GRM6: variants seen among roughly 807,000 people sequenced by gnomAD.
GRM6 encodes the protein glutamate metabotropic receptor 6, also known as metabotropic glutamate receptor 6.
GRM6 carries 73 observed loss-of-function variants against 78.4 expected under a neutral mutation model. The ratio of observed to expected loss-of-function variants is 0.93; its 90% CI spans 0.77 to 1.13. The LOEUF (loss-of-function observed/expected upper bound fraction) is 1.13, where lower values mean the gene tolerates loss of function less well. Among genes scored for constraint, GRM6 ranks in the 50% most tolerant of loss-of-function variants. The pLI is 0.00. For missense variants in GRM6, 1,251 were observed against 1,256.4 expected, an observed-to-expected ratio of 1.00 and a Z score of 0.07; for synonymous variants, 580 against 555.0, an observed-to-expected ratio of 1.05 and a Z score of -0.63.
chr5:178,991,464 C>T lies in GRM6; in HGVS notation c.817G>A (p.Ala273Thr), dbSNP rs375701024. 1.3e-5 allele frequency: 21 copies of T among 1,613,876 alleles called. No homozygotes were observed. The African/African-American group carries it at 1.3e-4, about 10-fold the overall frequency. The change falls in exon 4 of 11, where the codon GCC becomes ACC. Residue 273 changes from alanine (A) to threonine (T), a missense_variant. Coordinates refer to ENST00000517717, the MANE Select transcript of GRM6 (RefSeq NM_000843.4). This position sits in a 1 kb window ranked among gnomAD's most constrained non-coding sequence, Gnocchi z 5.0. ...TTGGCAAAGATGATGATGCCCCGGG[C>T]GTTGGGCGTCTCCATGAGTCTCCTG... Reference protein sequence around the residue: ...VIRRLMETPNARGIIIFANED... With the variant: ...VIRRLMETPNTRGIIIFANED...
At position 178,992,961 on chromosome 5, in the gene GRM6, G is replaced by A. The variant is rs1039249450; in HGVS notation, c.505-878C>T. 6.6e-6 allele frequency among the ~76,000 whole-genome samples: 1 copy of A among 152,028 alleles called. No individual in the cohort carries two copies. ...CTGAGGAGACCGAGAGACGAGAAAG[G>A]CCCAGTGGCCACAGCTCAGTGAATA... On this transcript the variant is annotated intron_variant, in intron 2 of 10. Transcript: ENST00000517717. This position sits in a 1 kb window ranked among gnomAD's most constrained non-coding sequence, Gnocchi z 4.9.
rs1341875907 is a variant in GRM6 at position 178,992,906 on chromosome 5, GGAGA to G, written c.505-827_505-824del. On this transcript the variant is annotated intron_variant, in intron 2 of 10. Transcript: ENST00000517717. This position sits in a 1 kb window ranked among gnomAD's most constrained non-coding sequence, Gnocchi z 4.9. Reference sequence around the variant, plus strand: ...AGGTGGGGCTGGAGAGAAACAAGAAGGAGAGAGGGAGAGAGAGAGAGAGAAACAA... The same window carrying G: ...AGGTGGGGCTGGAGAGAAACAAGAAGGAGGGAGAGAGAGAGAGAGAAACAA... Among the ~76,000 whole-genome samples the G allele has an allele frequency of 4.0e-5, 6 of 151,816 alleles. No individual in the cohort carries two copies. Among genetic ancestry groups the G allele is most frequent in the Non-Finnish European group, 8.8e-5 (6 of 67,970 alleles).
chr5:178,992,627 A>G lies in GRM6; in HGVS notation c.505-544T>C, dbSNP rs540650909. On this transcript the variant is annotated intron_variant, in intron 2 of 10. Transcript: ENST00000517717. The surrounding 1 kb of genome is among the most constrained non-coding windows in gnomAD (Gnocchi z 4.9). ...TTCTCTGCATGCATTAGAGTGATTA[A>G]CAGCAGAGACCAGAGGCTGAACTGA... Among the ~76,000 whole-genome samples, 167 of 152,242 alleles carry G rather than the reference A, an allele frequency of 1.1e-3. 1 individual carries two copies. The highest frequency in any genetic ancestry group is 3.4e-3 in the Middle Eastern group (1 of 294).
chr5:178,985,630 A>G (rs138093440), intron 9 of GRM6: 35,921 of 371,198 alleles, frequency 0.097, 2,086 homozygotes, highest in South Asian at 0.17. Context: ...GTGAACCCGG[A>G]AGGCAGAGCT....
Position 178,982,995 on chromosome 5 carries a change from G to C in GRM6, c.2351C>G (p.Pro784Arg). 6.2e-7 allele frequency: 1 copy of C among 1,614,162 alleles called. No homozygotes were observed. Among genetic ancestry groups the C allele is most frequent in the Non-Finnish European group, 8.5e-7 (1 of 1,179,988 alleles). ...GVPETFNEAK[P>R]IGFTMYTTCI... ...GGTGGTGTACATGGTGAAGCCGATG[G>C]GCTTGGCCTCGTTGAAGGTCTCGGG... Residue 784 changes from proline to arginine, a missense_variant, in exon 10 of 11, where the codon CCC becomes CGC. Coordinates refer to ENST00000517717, the MANE Select transcript of GRM6 (RefSeq NM_000843.4).
chr5:178,991,615 T>G lies in GRM6; in HGVS notation c.722-56A>C, dbSNP rs535457740. 1.7e-4 allele frequency: 192 copies of G among 1,131,540 alleles called. 1 individual carries two copies. In the African/African-American group the frequency reaches 2.6e-3, roughly 15 times the overall value. 70.1% of individuals were successfully genotyped at this position (1,131,540 alleles called of 1,614,324 possible). A position where few individuals can be genotyped will look rare whatever the true frequency, so the allele number is the denominator to read the frequency against. On this transcript the variant is annotated intron_variant, in intron 3 of 10. Transcript: ENST00000517717. The surrounding 1 kb of genome is among the most constrained non-coding windows in gnomAD (Gnocchi z 5.0). Reference sequence around the variant, plus strand: ...CGTCCCACCCACCCACACACCCACCTGGCCACCGCTGCAGAGGACTGTGTA... The same window carrying G: ...CGTCCCACCCACCCACACACCCACCGGGCCACCGCTGCAGAGGACTGTGTA...
At chr5:178,982,551 T>C (rs1561714972) in intron 10 of GRM6, among the ~76,000 whole-genome samples, 1 of 108,034 alleles carries the variant, frequency 9.3e-6, no homozygotes, top group African/African-American at 3.7e-5. Context: ...CACTCCAGCC[T>C]GGGCAACAGA....
Position 178,981,880 on chromosome 5 carries a change from T to C in GRM6, c.2437-26A>G. ...CTAGGCCATGGAAGAGGGGACCAGA[T>C]GGGACTCAGCCCTGCTCTCCCTGCC... On this transcript the variant is annotated intron_variant, in intron 10 of 10. Coordinates refer to ENST00000517717, the MANE Select transcript of GRM6 (RefSeq NM_000843.4). The surrounding 1 kb of genome is among the most constrained non-coding windows in gnomAD (Gnocchi z 5.1). 2 of 1,445,472 alleles carry C rather than the reference T, an allele frequency of 1.4e-6. No individual in the cohort carries two copies. Among genetic ancestry groups the C allele is most frequent in the Non-Finnish European group, 1.9e-6 (2 of 1,026,738 alleles). The allele number at this position is 1,445,472 out of a possible 1,614,324, so 89.5% of individuals were successfully genotyped here. A position where few individuals can be genotyped will look rare whatever the true frequency, so the allele number is the denominator to read the frequency against.
intron 9 of GRM6, chr5:178,985,702 A>AAG: frequency 5.0e-6 from 1 of 198,400 alleles, no homozygotes; most frequent in South Asian, 3.0e-5. Flanking sequence ...GACTCTGTCT[A>AAG]AAAAAAAAAA....
intron 10 of GRM6, among the ~76,000 whole-genome samples, chr5:178,982,605 G>A (rs1345621249): frequency 1.0e-4 from 6 of 59,656 alleles, no homozygotes; most frequent in Non-Finnish European, 1.8e-4. Flanking sequence ...AAAAAAAAAA[G>A]CATATGAAGA....
At chr5:178,987,543 G>A in intron 7 of GRM6, 2 of 430,674 alleles carry the variant, frequency 4.6e-6, no homozygotes, top group Admixed American at 2.4e-5. Flanking sequence ...GATGCTCGGT[G>A]AAACAAGCCA....
chr5:178,993,953 C>A (rs200513815), intron 2 of GRM6, among the ~76,000 whole-genome samples: 1 of 152,232 alleles, frequency 6.6e-6, no homozygotes, highest in East Asian at 1.9e-4. Flanking sequence ...AAAGACCAGA[C>A]CTTTCAGGCC....
At chr5:178,995,056 A>C in intron 1 of GRM6, 96 bp from the exon 2 acceptor site, 1 of 659,146 alleles carries the variant, frequency 1.5e-6, no homozygotes, top group Non-Finnish European at 1.9e-6. Flanking sequence ...CCTGGGGAGA[A>C]GGCGCTCGGG....
Position 178,989,277 on chromosome 5 carries a change from G to A in GRM6, c.1141C>T (p.Arg381Cys), listed in dbSNP as rs772521795. 8.1e-6 allele frequency: 13 copies of A among 1,600,346 alleles called. No homozygotes were observed. Among genetic ancestry groups the A allele is most frequent in the Admixed American group, 7.0e-5 (4 of 57,514 alleles). The change falls in exon 6 of 11, where the codon CGC becomes TGC. Residue 381 changes from arginine (R) to cysteine (C), a missense_variant. Arg to Cys is a radical substitution (Grantham distance 180, BLOSUM62 -3). Coordinates refer to ENST00000517717, the MANE Select transcript of GRM6 (RefSeq NM_000843.4). The stretch of plus-strand genomic sequence containing the variant: ...GGGCAGCTCTCACCTGTGCATTTGC[G>A]GGTGGAATCGTCTGACTGGGTACCT... ...SSGTQSDDST[R>C]KCTGEERIGR...
At chr5:178,994,334 TA>T in intron 2 of GRM6, 106 bp downstream of exon 2, 1 of 1,004,456 alleles carries the variant, frequency 1.0e-6, no homozygotes. Context: ...TTCGAGTGAT[TA>T]AAACGGAGAC....
At chr5:178,993,424 G>A (rs1271311211) in intron 2 of GRM6, among the ~76,000 whole-genome samples, 1 of 152,210 alleles carries the variant, frequency 6.6e-6, no homozygotes, top group African/African-American at 2.4e-5. Flanking sequence ...GTGCCAGCGT[G>A]GAGATGTCAC....
At position 178,987,603 on chromosome 5, in the gene GRM6, G is replaced by A. The variant is rs995295590; in HGVS notation, c.1355-620C>T. On this transcript the variant is annotated intron_variant, in intron 7 of 10. Transcript: ENST00000517717. ...GATGCCACCACAGGAGGTACCGAGG[G>A]TAGACAATTCATAGAGAGGGGCCGT... 114 of 374,918 alleles carry A rather than the reference G, an allele frequency of 3.0e-4. 1 individual carries two copies. Among genetic ancestry groups the A allele is most frequent in the South Asian group, 2.2e-3 (110 of 49,886 alleles). The allele number at this position is 374,918 out of a possible 1,614,324, so 23.2% of individuals were successfully genotyped here. A position where few individuals can be genotyped will look rare whatever the true frequency, so the allele number is the denominator to read the frequency against.
chr5:178,991,939 A>T lies in GRM6; in HGVS notation c.649T>A (p.Ser217Thr). 1 of 1,614,088 alleles carries T rather than the reference A, an allele frequency of 6.2e-7. No individual in the cohort carries two copies. The highest frequency in any genetic ancestry group is 1.1e-5 in the South Asian group (1 of 91,084). ...TAGTTGCCCTCGGAGGCCAGCGTGG[A>T]CACATAGTTCCATCCCAGTGCCCTC... ...IVRALGWNYV[S>T]TLASEGNYGE... The change falls in exon 3 of 11, where the codon TCC becomes ACC. Residue 217 changes from serine (S) to threonine (T), a missense_variant. By Grantham distance (58) the Ser-to-Thr change is moderately conservative. Coordinates refer to ENST00000517717, the MANE Select transcript of GRM6 (RefSeq NM_000843.4). The surrounding 1 kb of genome is among the most constrained non-coding windows in gnomAD (Gnocchi z 5.0).
rs1363368200 is a variant in GRM6, at chr5:178,986,590, C to T, written c.1664G>A (p.Cys555Tyr). ...CCTCATGTCCCCAGGACAGGCCTCG[C>T]ATGTGAACTCGTCCACCTGGAAGCG... ...GYRFQVDEFT[C>Y]EACPGDMRPT... Residue 555 changes from cysteine (C) to tyrosine (Y), a missense_variant, in exon 9 of 11, where the codon TGC becomes TAC. Physicochemically the swap from Cys to Tyr is radical, Grantham distance 194 (BLOSUM62 -2). Coordinates refer to ENST00000517717, the MANE Select transcript of GRM6 (RefSeq NM_000843.4). 6.2e-7 allele frequency: 1 copy of T among 1,605,706 alleles called. No individual in the cohort carries two copies. Among genetic ancestry groups the T allele is most frequent in the Non-Finnish European group, 8.5e-7 (1 of 1,179,870 alleles).
Sources: gnomAD v4.1 joint callset for allele counts (sites outside exome capture counted in the v4.1 genomes callset) on GRCh38, gnomAD v4.1.1 for gene constraint, Gnocchi (gnomAD v3.1) non-coding constraint, MANE v1.5 for transcripts, NCBI Gene and HGNC (gene_info 2026-07-23, HGNC 2026-07-21) for gene names.